The following ZBTB40 variants were observed in gnomAD, a reference collection of about 807,000 sequenced individuals.
The protein encoded by ZBTB40 is zinc finger and BTB domain-containing protein 40.
ZBTB40 carries 60 observed loss-of-function variants against 117.5 expected under a neutral mutation model. The ratio of observed to expected loss-of-function variants is 0.51; its 90% CI spans 0.41 to 0.63. The LOEUF is 0.63. Ranked by LOEUF, ZBTB40 falls within the 30% of genes least tolerant of loss-of-function variation. The probability of loss-of-function intolerance (pLI) is 0.00; values close to 1 mark genes in which losing one functional copy is unlikely to be tolerated. For synonymous variants in ZBTB40, 525 were observed against 577.1 expected (o/e 0.91, Z 1.29); for missense variants, 1,287 against 1,498.5 (o/e 0.86, Z 2.33).
At chr1:22,484,994 C>G (rs1471093846) in intron 1 of ZBTB40, among the ~76,000 whole-genome samples, 1 of 152,164 alleles carries the variant, frequency 6.6e-6, no homozygotes, top group African/African-American at 2.4e-5. Flanking sequence ...TGTGAGAAGT[C>G]CCATTTGGCT....
intron 1 of ZBTB40, among the ~76,000 whole-genome samples, chr1:22,484,030 T>A (rs182613047): frequency 6.6e-6 from 1 of 152,364 alleles, no homozygotes; most frequent in African/African-American, 2.4e-5. Context: ...TTTAGTGCCT[T>A]TGCTCCTTTG....
intron 1 of ZBTB40, among the ~76,000 whole-genome samples, chr1:22,484,402 G>A (rs1464263120): frequency 6.6e-6 from 1 of 151,982 alleles, no homozygotes; most frequent in African/African-American, 2.4e-5. Context: ...TTCTCTTTTT[G>A]GGGTGCTAGT....
At chr1:22,461,183 C>G (rs1285611865) in intron 1 of ZBTB40, among the ~76,000 whole-genome samples, 5 of 152,158 alleles carry the variant, frequency 3.3e-5, no homozygotes. Flanking sequence ...TGAAGTCATT[C>G]AGTTTGACCA....
intron 1 of ZBTB40, among the ~76,000 whole-genome samples, chr1:22,469,480 C>T (rs1356520613): frequency 6.6e-6 from 1 of 152,106 alleles, no homozygotes; most frequent in African/African-American, 2.4e-5. Flanking sequence ...CCATTGCACC[C>T]GGCTATATTA....
intron 1 of ZBTB40, among the ~76,000 whole-genome samples, chr1:22,467,497 C>T (rs546328196): frequency 7.9e-5 from 12 of 152,274 alleles, no homozygotes; most frequent in Middle Eastern, 3.4e-3. Context: ...TTTTTTGAGA[C>T]AGAGTCTCGC....
Position 22,524,168 on chromosome 1 carries a change from C to T in ZBTB40, c.3299-50C>T, listed in dbSNP as rs371474961. 1.2e-5 allele frequency: 18 copies of T among 1,562,112 alleles called. No individual in the cohort carries two copies. In the African/African-American group the frequency reaches 1.9e-4, roughly 16 times the overall value. ...TCCTGCCCTCATTTCTCTCATTTTA[C>T]CCAGAGAATTTTACCCACAGCCCTC... On this transcript the variant is annotated intron_variant, in intron 16 of 17. Coordinates refer to ENST00000375647, the MANE Select transcript of ZBTB40 (RefSeq NM_014870.4).
chr1:22,443,687 A>G (rs1359841372), intron 1 of ZBTB40, among the ~76,000 whole-genome samples: 2 of 152,242 alleles, frequency 1.3e-5, no homozygotes, highest in Non-Finnish European at 2.9e-5. Context: ...TTCTCTATAG[A>G]ATGCAAATTT....
chr1:22,447,004 G>A (rs1186349331), upstream of ZBTB40, among the ~76,000 whole-genome samples: 1 of 151,946 alleles, frequency 6.6e-6, no homozygotes, highest in Non-Finnish European at 1.5e-5. Context: ...TCAGGGAGAT[G>A]AGGCAGCAGG....
At position 22,507,094 on chromosome 1, in the gene ZBTB40, C is replaced by T. The variant is rs556447094; in HGVS notation, c.1360+853C>T. Among the ~76,000 whole-genome samples the T allele has an allele frequency of 6.6e-5, 10 of 152,228 alleles. 1 individual carries two copies. The South Asian group carries it at 1.7e-3, about 25-fold the overall frequency. The stretch of plus-strand genomic sequence containing the variant: ...TATTATTCATGCCCTTATTTCAGAG[C>T]GGATGTAGCATAATGGTTAGGACTG... On this transcript the variant is annotated intron_variant, in intron 6 of 17. Coordinates refer to ENST00000375647, the MANE Select transcript of ZBTB40 (RefSeq NM_014870.4).
intron 1 of ZBTB40, among the ~76,000 whole-genome samples, chr1:22,468,088 CA>C (rs200373661): frequency 0.017 from 1,749 of 105,786 alleles, 8 homozygotes; most frequent in African/African-American, 0.043. Flanking sequence ...GACCCCATCT[CA>C]AAAAAAAAAA....
At chr1:22,454,065 T>A (rs1345099038) in intron 1 of ZBTB40, among the ~76,000 whole-genome samples, 1 of 152,220 alleles carries the variant, frequency 6.6e-6, no homozygotes, top group Admixed American at 6.5e-5. Flanking sequence ...TTCTTCTGCC[T>A]CAACCTCCTG....
At chr1:22,471,675 T>C (rs889298510) in intron 1 of ZBTB40, among the ~76,000 whole-genome samples, 3 of 152,206 alleles carry the variant, frequency 2.0e-5, no homozygotes, top group African/African-American at 7.2e-5. Flanking sequence ...CAGAGACCAG[T>C]GGATTGGGCA....
chr1:22,473,384 G>C (rs1641459566), intron 1 of ZBTB40, among the ~76,000 whole-genome samples: 1 of 152,088 alleles, frequency 6.6e-6, no homozygotes, highest in African/African-American at 2.4e-5. Flanking sequence ...TATGTCCTTG[G>C]GTCTGTTACT....
chr1:22,433,449 A>AAAAAAAAAAAAAAAAAAAAAC (rs1557469820), intron 1 of ZBTB40, among the ~76,000 whole-genome samples: 1 of 141,546 alleles, frequency 7.1e-6, no homozygotes, highest in Non-Finnish European at 1.6e-5. Flanking sequence ...AAAAAAAAAA[A>AAAAAAAAAAAAAAAAAAAAAC]AAAAAAAAGA....
chr1:22,463,536 G>C (rs1282398113), intron 1 of ZBTB40, among the ~76,000 whole-genome samples: 1 of 152,212 alleles, frequency 6.6e-6, no homozygotes, highest in Admixed American at 6.5e-5. Context: ...GTAATTGCTT[G>C]TTGAGACTCC....
intron 3 of ZBTB40, among the ~76,000 whole-genome samples, chr1:22,498,571 C>T (rs1204366548): frequency 1.3e-5 from 2 of 152,176 alleles, no homozygotes; most frequent in African/African-American, 4.8e-5. Context: ...TCCCAGATGG[C>T]CACCCTAGCA....
At chr1:22,514,705 C>T (rs1300593713) in intron 12 of ZBTB40, among the ~76,000 whole-genome samples, 3 of 152,162 alleles carry the variant, frequency 2.0e-5, no homozygotes, top group Non-Finnish European at 2.9e-5. Flanking sequence ...TCCCATAGTG[C>T]TTCTCATATG....
At chr1:22,477,218 A>G (rs1178503225) in intron 1 of ZBTB40, among the ~76,000 whole-genome samples, 1 of 152,136 alleles carries the variant, frequency 6.6e-6, no homozygotes, top group South Asian at 2.1e-4. Flanking sequence ...TTACAGATAA[A>G]TACTTAAGCT....
chr1:22,478,498 C>G (rs1021379608), intron 1 of ZBTB40, among the ~76,000 whole-genome samples: 3 of 152,152 alleles, frequency 2.0e-5, no homozygotes, highest in Non-Finnish European at 4.4e-5. Context: ...CTGCCCACCT[C>G]GGCCTCCCAA....
Sources: allele counts gnomAD v4.1 joint callset (sites outside exome capture counted in the v4.1 genomes callset), GRCh38; gene constraint gnomAD v4.1.1; transcripts MANE v1.5; gene names NCBI Gene and HGNC (gene_info 2026-07-23, HGNC 2026-07-21).